Variants in ABHD3 observed in about 807,000 individuals in gnomAD.
ABHD3 encodes the protein abhydrolase domain containing 3, phospholipase, also known as phospholipase ABHD3.
In ABHD3, 46 loss-of-function variants were observed where a neutral mutation model predicts 48.8. The ratio of observed to expected loss-of-function variants is 0.94; its 90% CI spans 0.74 to 1.20. The LOEUF (loss-of-function observed/expected upper bound fraction) is 1.20. ABHD3 is among the 50% of genes most tolerant of loss of function. The pLI is 0.00. For missense variants in ABHD3, 490 were observed against 497.8 expected, an observed-to-expected ratio of 0.98 and a Z score of 0.15; for synonymous variants, 192 against 183.7, an observed-to-expected ratio of 1.04 and a Z score of -0.36.
intron 3 of ABHD3, among the ~76,000 whole-genome samples, chr18:21,695,839 T>C (rs1316217075): frequency 6.6e-6 from 1 of 152,172 alleles, no homozygotes; most frequent in Non-Finnish European, 1.5e-5. Flanking sequence ...CTGCTGCTGC[T>C]GCACAGTCTT....
At chr18:21,659,139 C>A (rs1364288041) in intron 6 of ABHD3, 31 bp downstream of exon 6, 6 of 1,602,594 alleles carry the variant, frequency 3.7e-6, no homozygotes, top group East Asian at 2.3e-5. Context: ...GGGCCCGGCC[C>A]TGGAGACAAC....
Position 21,703,658 on chromosome 18 carries a change from G to C in ABHD3, c.252C>G (p.Val84=), listed in dbSNP as rs150557549. ...TCTGTCCTCGACCCTCCCAGCACCA[G>C]ACCGTCGGGTAGTACGTTTCTGTAA... ...PVVTETYYPT[V]WCWEGRGQTL... Residue 84 remains valine, a synonymous_variant, in exon 2 of 9, where the codon GTC becomes GTG. Coordinates refer to ENST00000289119, the MANE Select transcript of ABHD3 (RefSeq NM_138340.5). 4.4e-4 allele frequency: 718 copies of C among 1,614,134 alleles called. 3 individuals carry two copies. The Middle Eastern group carries it at 8.1e-3, about 18-fold the overall frequency.
intron 5 of ABHD3, chr18:21,663,684 A>G: frequency 2.0e-6 from 3 of 1,535,498 alleles, no homozygotes; most frequent in Non-Finnish European, 2.6e-6. Flanking sequence ...CCACCTGGGG[A>G]AAAATAATTT....
At chr18:21,691,609 A>G (rs2040253721) in intron 3 of ABHD3, among the ~76,000 whole-genome samples, 2 of 152,244 alleles carry the variant, frequency 1.3e-5, no homozygotes, top group African/African-American at 4.8e-5. Flanking sequence ...CATGATTATC[A>G]TATGGTAATG....
rs767328687 is a variant in ABHD3, at chr18:21,704,529, A to G, written c.137T>C (p.Phe46Ser). 1 of 1,501,820 alleles carries G rather than the reference A, an allele frequency of 6.7e-7. No homozygotes were observed. Among genetic ancestry groups the G allele is most frequent in the Admixed American group, 2.3e-5 (1 of 43,918 alleles). 93.0% of individuals were successfully genotyped at this position (1,501,820 alleles called of 1,614,324 possible). ...CTTGGCAATGCTGCTCAGGTAGTAG[A>G]AGGCATAAGCGACGCTGAAGCCCAG... ...LILGFSVAYA[F>S]YYLSSIAKKP... The change falls in exon 1 of 9, where the codon TTC (phenylalanine) becomes TCC (serine). Residue 46 changes from phenylalanine to serine, a missense_variant. By Grantham distance (155) the Phe-to-Ser change is radical. Coordinates refer to ENST00000289119, the MANE Select transcript of ABHD3 (RefSeq NM_138340.5).
Position 21,703,571 on chromosome 18 carries a change from G to A in ABHD3, c.326+13C>T. The A allele has an allele frequency of 6.3e-7, 1 of 1,589,328 alleles. No individual in the cohort carries two copies. Among genetic ancestry groups the A allele is most frequent in the Non-Finnish European group, 8.6e-7 (1 of 1,161,436 alleles). ...GATTTTGCAGAAATGACTGAAAACG[G>A]AAATTCACTTACTTCCTGTACTGCA... On this transcript the variant is annotated intron_variant, in intron 2 of 8. Coordinates refer to ENST00000289119, the MANE Select transcript of ABHD3 (RefSeq NM_138340.5).
Position 21,651,764 on chromosome 18 carries a change from C to T in ABHD3, c.1058-1G>A, listed in dbSNP as rs1291751511. 1.3e-6 allele frequency: 2 copies of T among 1,515,888 alleles called. No individual in the cohort carries two copies. The allele number at this position is 1,515,888 out of a possible 1,614,324, so 93.9% of individuals were successfully genotyped here. A position where few individuals can be genotyped will look rare whatever the true frequency, so the allele number is the denominator to read the frequency against. On this transcript the variant is annotated splice_acceptor_variant, in intron 8 of 8. Transcript: ENST00000289119. LOFTEE classifies it high-confidence loss of function. ...TGCTTAGCAGTTTCTATTGGAATAGCTTCAGACCAAAAAAAACATGGCAAT... is the reference window on the plus strand; with the variant it reads ...TGCTTAGCAGTTTCTATTGGAATAGTTTCAGACCAAAAAAAACATGGCAAT...
Position 21,692,229 on chromosome 18 carries a change from C to T in ABHD3, c.510-8264G>A, listed in dbSNP as rs533790999. Among the ~76,000 whole-genome samples, 9 of 152,282 alleles carry T rather than the reference C, an allele frequency of 5.9e-5. No homozygotes were observed. The South Asian group carries it at 1.4e-3, about 25-fold the overall frequency. On this transcript the variant is annotated intron_variant, in intron 3 of 8. Coordinates refer to ENST00000289119, the MANE Select transcript of ABHD3 (RefSeq NM_138340.5). ...CCTCCCAAAGTGCTGGGATTATAGGCGTGAGCCACCGCACCCGGCCCTACA... is the reference window on the plus strand; with the variant it reads ...CCTCCCAAAGTGCTGGGATTATAGGTGTGAGCCACCGCACCCGGCCCTACA...
At chr18:21,655,730 C>T (rs931250681) in intron 8 of ABHD3, among the ~76,000 whole-genome samples, 4 of 151,124 alleles carry the variant, frequency 2.6e-5, no homozygotes, top group African/African-American at 9.7e-5. Context: ...ATCCCAGCTA[C>T]TTGGGAAGCT....
chr18:21,672,431 T>A (rs937423874), intron 4 of ABHD3, among the ~76,000 whole-genome samples: 5 of 152,226 alleles, frequency 3.3e-5, no homozygotes, highest in Admixed American at 3.3e-4. Flanking sequence ...CACGAATGCC[T>A]GGTAAAAAAA....
intron 3 of ABHD3, among the ~76,000 whole-genome samples, chr18:21,699,079 C>T (rs866764574): frequency 4.0e-5 from 6 of 151,898 alleles, no homozygotes; most frequent in African/African-American, 7.3e-5. Flanking sequence ...GGATTACAGG[C>T]GCACACCACT....
intron 4 of ABHD3, among the ~76,000 whole-genome samples, chr18:21,666,438 C>T (rs993087230): frequency 3.3e-5 from 5 of 152,082 alleles, no homozygotes; most frequent in African/African-American, 9.7e-5. Flanking sequence ...ATGATCTGCC[C>T]GCCTTGGCCT....
At chr18:21,673,274 ATC>A (rs1235759282) in intron 4 of ABHD3, among the ~76,000 whole-genome samples, 1 of 152,268 alleles carries the variant, frequency 6.6e-6, no homozygotes, top group Non-Finnish European at 1.5e-5. Flanking sequence ...ATGAATCAGA[ATC>A]TCTGGGGGAT....
At chr18:21,657,329 TTTC>T (rs1385784604) in intron 6 of ABHD3, among the ~76,000 whole-genome samples, 177 bp from the exon 7 acceptor site, 3 of 152,108 alleles carry the variant, frequency 2.0e-5, no homozygotes, top group Non-Finnish European at 2.9e-5. Flanking sequence ...CTGAAGATAT[TTTC>T]TTCAAGTACT....
At chr18:21,679,143 G>C (rs1284174964) in intron 4 of ABHD3, among the ~76,000 whole-genome samples, 1 of 152,154 alleles carries the variant, frequency 6.6e-6, no homozygotes, top group Non-Finnish European at 1.5e-5. Flanking sequence ...CTACCCTAAA[G>C]TCTCGCTTAC....
chr18:21,682,737 TC>T (rs372836257), intron 4 of ABHD3, among the ~76,000 whole-genome samples: 65 of 152,000 alleles, frequency 4.3e-4, no homozygotes, highest in Middle Eastern at 3.4e-3. Context: ...GACCATGTCT[TC>T]CCCCCCGGCT....
chr18:21,655,247 A>C (rs1424357491), intron 8 of ABHD3, among the ~76,000 whole-genome samples: 1 of 151,984 alleles, frequency 6.6e-6, no homozygotes, highest in African/African-American at 2.4e-5. Context: ...TATTTGGGGA[A>C]AATGGTTTTA....
At chr18:21,680,936 C>A (rs1049879510) in intron 4 of ABHD3, among the ~76,000 whole-genome samples, 24 of 151,440 alleles carry the variant, frequency 1.6e-4, no homozygotes, top group African/African-American at 5.6e-4. Flanking sequence ...ATATGTTGCC[C>A]AGGCTGGTCT....
rs769979564 is a variant in ABHD3 at position 21,704,516 on chromosome 18, G to A, written c.150C>T (p.Ser50=). ...FSVAYAFYYL[S]SIAKKPQLVT... is the part of the protein sequence containing the mutation. ...ACCCCCGGCTCACCTTGGCAATGCT[G>A]CTCAGGTAGTAGAAGGCATAAGCGA... is the stretch of plus-strand genomic sequence containing the variant. The change falls in exon 1 of 9, where the codon AGC becomes AGT. Residue 50 remains serine, a synonymous_variant. Coordinates refer to ENST00000289119, the MANE Select transcript of ABHD3 (RefSeq NM_138340.5). The A allele has an allele frequency of 8.2e-5, 122 of 1,483,936 alleles. No individual in the cohort carries two copies. The highest frequency in any genetic ancestry group is 1.7e-4 in the Middle Eastern group (1 of 5,750). 91.9% of individuals were successfully genotyped at this position (1,483,936 alleles called of 1,614,324 possible). A position where few individuals can be genotyped will look rare whatever the true frequency, so the allele number is the denominator to read the frequency against.
Sources: allele counts gnomAD v4.1 joint callset (sites outside exome capture counted in the v4.1 genomes callset), GRCh38; gene constraint gnomAD v4.1.1; transcripts MANE v1.5; gene names NCBI Gene and HGNC (gene_info 2026-07-23, HGNC 2026-07-21).